The following PRPF31 variants were observed in gnomAD, a reference collection of about 807,000 sequenced individuals.
PRPF31 encodes the protein pre-mRNA processing factor 31.
PRPF31 carries 12 observed loss-of-function variants against 60.4 expected under a neutral mutation model. That is an observed-to-expected ratio of 0.20 (90% confidence interval 0.13 to 0.32). The LOEUF (loss-of-function observed/expected upper bound fraction) is 0.32. PRPF31 is among the 10% of genes least tolerant of loss of function. PRPF31 has a pLI of 1.00. For synonymous variants in PRPF31, 287 were observed against 287.9 expected, an observed-to-expected ratio of 1.00 and a Z score of 0.03; for missense variants, 431 against 687.1, an observed-to-expected ratio of 0.63 and a Z score of 4.17.
Position 54,128,211 on chromosome 19 carries a change from CTG to C in PRPF31, c.1073+12_1073+13del, listed in dbSNP as rs1394502529. 4 of 1,570,178 alleles carry C rather than the reference CTG, an allele frequency of 2.5e-6. No homozygotes were observed. The highest frequency in any genetic ancestry group is 3.4e-6 in the Non-Finnish European group (4 of 1,159,778). ...GCGAGGCGGCCGCAGGTGAGGGGCC[CTG>C]GGGGTCCGGTAGGCATGGGGGTCAT... On this transcript the variant is annotated intron_variant, in intron 10 of 13. Transcript: ENST00000321030.
intron 8 of PRPF31, among the ~76,000 whole-genome samples, chr19:54,125,762 G>A (rs1409350391): frequency 6.6e-6 from 1 of 152,212 alleles, no homozygotes; most frequent in Non-Finnish European, 1.5e-5. Context: ...CACCCAGGGA[G>A]GCTGGCAGGT....
At chr19:54,122,873 G>A in intron 5 of PRPF31, 1 of 572,966 alleles carries the variant, frequency 1.7e-6, no homozygotes, top group Admixed American at 3.0e-5. Flanking sequence ...GACATCCGAA[G>A]GTTGACACAG....
At position 54,129,052 on chromosome 19, in the gene PRPF31, C is replaced by G. The variant is rs587757028; in HGVS notation, c.1147-5C>G. 4.0e-5 allele frequency: 62 copies of G among 1,568,388 alleles called. No individual in the cohort carries two copies. The highest frequency in any genetic ancestry group is 7.7e-5 in the Admixed American group (4 of 51,880). On this transcript the variant is annotated splice_polypyrimidine_tract_variant and splice_region_variant and intron_variant, in intron 11 of 13. Transcript: ENST00000321030. ...GAACTGCAGGGCGCCTCCTCTCCCCCCTAGATCGAGGAGGACGCCTACCAG... is the reference window on the plus strand; with the variant it reads ...GAACTGCAGGGCGCCTCCTCTCCCCGCTAGATCGAGGAGGACGCCTACCAG...
chr19:54,122,833 G>A (rs1199599653), intron 5 of PRPF31: 15 of 606,902 alleles, frequency 2.5e-5, no homozygotes, highest in African/African-American at 9.2e-5. Flanking sequence ...CGCTGCTCCC[G>A]CTGTGGTTGG....
intron 1 of PRPF31, among the ~76,000 whole-genome samples, chr19:54,116,352 G>C (rs999087291): frequency 7.9e-5 from 12 of 151,218 alleles, no homozygotes; most frequent in South Asian, 2.1e-4. Flanking sequence ...TTACAGGCGC[G>C]CACCACCACG....
intron 13 of PRPF31, among the ~76,000 whole-genome samples, 197 bp downstream of exon 13, chr19:54,129,567 C>T (rs1197872155): frequency 6.8e-6 from 1 of 147,488 alleles, no homozygotes; most frequent in East Asian, 2.0e-4. Context: ...CAGCGCTGAG[C>T]AGTCCTCGTG....
At chr19:54,129,232 G>A (rs199692595) in intron 12 of PRPF31, 40 bp from the exon 13 acceptor site, 14 of 1,601,962 alleles carry the variant, frequency 8.7e-6, no homozygotes, top group Admixed American at 1.7e-5. Context: ...GACACAAGGT[G>A]GGGGGAGCCC....
intron 3 of PRPF31, chr19:54,119,998 C>T (rs1393942278): frequency 2.6e-5 from 4 of 152,088 alleles, no homozygotes; most frequent in Non-Finnish European, 5.9e-5. Context: ...AGGTTCCAGA[C>T]AGCTATCAGT....
chr19:54,124,352 C>T (rs888385462), intron 7 of PRPF31, 147 bp from the exon 8 acceptor site: 17 of 823,782 alleles, frequency 2.1e-5, no homozygotes, highest in African/African-American at 2.0e-4. Flanking sequence ...TGGGCCAGGT[C>T]GCCCGCCTGG....
intron 13 of PRPF31, among the ~76,000 whole-genome samples, chr19:54,131,002 G>T (rs2074036529): frequency 6.6e-6 from 1 of 152,198 alleles, no homozygotes; most frequent in Non-Finnish European, 1.5e-5. Flanking sequence ...GGCCAGCCAT[G>T]TCCCCCAGGG....
chr19:54,131,354 G>C lies in PRPF31; in HGVS notation c.1422G>C (p.Glu474Asp), dbSNP rs1418246903. Residue 474 changes from glutamate to aspartate, a missense_variant, in exon 14 of 14, where the codon GAG becomes GAC. Physicochemically the swap from Glu to Asp is conservative, Grantham distance 45. This residue lies in a region of PRPF31 where 314 missense variants were observed against 475.3 expected (regional missense o/e 0.66). Coordinates refer to ENST00000321030, the MANE Select transcript of PRPF31 (RefSeq NM_015629.4). ...AGGCGGCAGAGAAGAAGGTGGCTGA[G>C]GCCAACCAGAAGTATTTCTCCAGCA... The part of the protein sequence containing the change: ...NPQAAEKKVA[E>D]ANQKYFSSMA... The C allele has an allele frequency of 6.2e-7, 1 of 1,614,080 alleles. No homozygotes were observed. Among genetic ancestry groups the C allele is most frequent in the African/African-American group, 1.3e-5 (1 of 75,076 alleles).
intron 5 of PRPF31, 95 bp downstream of exon 5, chr19:54,122,689 C>T (rs1010790742): frequency 2.0e-5 from 20 of 1,000,408 alleles, no homozygotes; most frequent in Admixed American, 5.1e-5. Flanking sequence ...GGTCTGGAGA[C>T]GATGGAGAGG....
At chr19:54,123,947 CG>C in intron 7 of PRPF31, 29 bp downstream of exon 7, 1 of 1,611,732 alleles carries the variant, frequency 6.2e-7, no homozygotes, top group South Asian at 1.1e-5. Context: ...TCCCATGGAG[CG>C]GGGGTCTGCT....
intron 6 of PRPF31, 89 bp downstream of exon 6, chr19:54,123,649 CAT>C (rs1399585328): frequency 3.7e-5 from 59 of 1,594,638 alleles, no homozygotes; most frequent in Non-Finnish European, 4.9e-5. Context: ...CGCACACACA[CAT>C]ACACACATGC....
At chr19:54,124,468 GC>G (rs749277770) in intron 7 of PRPF31, 30 bp from the exon 8 acceptor site, 32 of 1,559,664 alleles carry the variant, frequency 2.1e-5, no homozygotes, top group Admixed American at 1.5e-4. Flanking sequence ...TCTTCTGACC[GC>G]CCCCCCTTCC....
chr19:54,128,750 G>A (rs888564170), intron 11 of PRPF31, among the ~76,000 whole-genome samples: 6 of 152,110 alleles, frequency 3.9e-5, no homozygotes, highest in Non-Finnish European at 7.4e-5. Flanking sequence ...CGAACTCAGA[G>A]GCCACCTCAT....
chr19:54,130,607 A>G (rs1438729750), intron 13 of PRPF31, among the ~76,000 whole-genome samples: 1 of 150,902 alleles, frequency 6.6e-6, no homozygotes, highest in Non-Finnish European at 1.5e-5. Flanking sequence ...CCTGGGCGAC[A>G]GAGCCAGACT....
chr19:54,117,683 C>CAA (rs57949221), intron 1 of PRPF31, among the ~76,000 whole-genome samples: 967 of 80,430 alleles, frequency 0.012, 16 homozygotes, highest in African/African-American at 0.036. Context: ...CTTGACTCTA[C>CAA]AAAAAAAAAA....
chr19:54,123,052 G>C (rs1239805069), intron 5 of PRPF31: 3 of 450,644 alleles, frequency 6.7e-6, no homozygotes, highest in Admixed American at 7.0e-5. Flanking sequence ...GAAAAGAGGG[G>C]CAGGTGTGCG....
Sources: allele counts gnomAD v4.1 joint callset (sites outside exome capture counted in the v4.1 genomes callset), GRCh38; gene constraint gnomAD v4.1.1; regional missense constraint gnomAD v4.1.1; transcripts MANE v1.5; gene names NCBI Gene and HGNC (gene_info 2026-07-23, HGNC 2026-07-21).